The following EIF2AK2 variants were observed in gnomAD, a reference collection of about 807,000 sequenced individuals.
EIF2AK2 encodes eukaryotic translation initiation factor 2 alpha kinase 2, also known as interferon-induced, double-stranded RNA-activated protein kinase.
EIF2AK2 carries 40 observed loss-of-function variants against 70.5 expected under a neutral mutation model. That is an observed-to-expected ratio of 0.57 (90% CI 0.44 to 0.74). EIF2AK2 has a LOEUF of 0.74. Ranked by LOEUF, EIF2AK2 falls within the 30% of genes least tolerant of loss-of-function variation. The probability of loss-of-function intolerance (pLI) is 0.00; values close to 1 mark genes in which losing one functional copy is unlikely to be tolerated. For synonymous variants in EIF2AK2, 198 were observed against 220.9 expected (o/e 0.90, Z 0.92); for missense variants, 555 against 644.3 (o/e 0.86, Z 1.50).
At chr2:37,110,304 A>G (rs2148664571) in intron 14 of EIF2AK2, among the ~76,000 whole-genome samples, 1 of 151,342 alleles carries the variant, frequency 6.6e-6, no homozygotes, top group African/African-American at 2.4e-5. Flanking sequence ...CATCTTGGCC[A>G]GGCTGGTCTC....
At chr2:37,155,459 C>T (rs1675889231) in intron 1 of EIF2AK2, among the ~76,000 whole-genome samples, 1 of 152,192 alleles carries the variant, frequency 6.6e-6, no homozygotes, top group Non-Finnish European at 1.5e-5. Context: ...TGCATTCTCT[C>T]TGTACCCACC....
chr2:37,149,267 AAGG>A, intron 1 of EIF2AK2: 1 of 1,055,740 alleles, frequency 9.5e-7, no homozygotes, highest in Non-Finnish European at 1.5e-6. Context: ...ACTGAAATTG[AAGG>A]AGGAGAAATA....
intron 14 of EIF2AK2, among the ~76,000 whole-genome samples, chr2:37,111,879 ATAT>A (rs1220910097): frequency 0.11 from 4,599 of 40,846 alleles, 256 homozygotes; most frequent in Middle Eastern, 0.23. Flanking sequence ...AAAAAAAAAA[ATAT>A]ATATATATAT....
Position 37,124,886 on chromosome 2 carries a change from C to T in EIF2AK2, c.908+1403G>A, listed in dbSNP as rs567588063. 5.8e-4 allele frequency among the ~76,000 whole-genome samples: 88 copies of T among 152,076 alleles called. No individual in the cohort carries two copies. The South Asian group carries it at 0.012, about 21-fold the overall frequency. On this transcript the variant is annotated intron_variant, in intron 11 of 16. Transcript: ENST00000233057. Reference sequence around the variant, plus strand: ...GAGACTACAGGCGTGGCTACCACACCGGCCTAATTACTGTATTTTTTGTAG... The same window carrying T: ...GAGACTACAGGCGTGGCTACCACACTGGCCTAATTACTGTATTTTTTGTAG...
chr2:37,146,895 G>A lies in EIF2AK2; in HGVS notation c.198C>T (p.Ala66=), dbSNP rs180726204. The A allele has an allele frequency of 2.3e-5, 37 of 1,613,658 alleles. No individual in the cohort carries two copies. Among genetic ancestry groups the A allele is most frequent in the Admixed American group, 1.0e-4 (6 of 60,002 alleles). Residue 66 remains alanine, a synonymous_variant, in exon 4 of 17, where the codon GCC becomes GCT. Coordinates refer to ENST00000233057, the MANE Select transcript of EIF2AK2 (RefSeq NM_001135651.3). ...EGRSKKEAKN[A]AAKLAVEILN... ...GTATCTCAACAGCTAATTTGGCTGC[G>A]GCATTTTTTGCTTCCTTCTTTGATC...
At chr2:37,156,388 A>C (rs1204954547) in intron 1 of EIF2AK2, among the ~76,000 whole-genome samples, 1 of 152,022 alleles carries the variant, frequency 6.6e-6, no homozygotes, top group Non-Finnish European at 1.5e-5. Context: ...TGAGGTGTGG[A>C]GAAGAGGTAG....
intron 4 of EIF2AK2, among the ~76,000 whole-genome samples, chr2:37,143,663 T>A (rs1461952860): frequency 2.6e-5 from 4 of 151,928 alleles, no homozygotes; most frequent in Non-Finnish European, 5.9e-5. Context: ...GTGGGCAGAT[T>A]GCTTGAGTCC....
chr2:37,108,883 T>G (rs1674052745), intron 15 of EIF2AK2, among the ~76,000 whole-genome samples: 3 of 152,132 alleles, frequency 2.0e-5, no homozygotes, highest in Admixed American at 1.3e-4. Flanking sequence ...TTGTTTATTT[T>G]TGCAACCCTT....
At position 37,105,054 on chromosome 2, in the gene EIF2AK2, C is replaced by T. The variant is rs745414556; in HGVS notation, c.*2219G>A. On this transcript the variant is annotated 3_prime_UTR_variant, in exon 17 of 17. Coordinates refer to ENST00000233057, the MANE Select transcript of EIF2AK2 (RefSeq NM_001135651.3). ...AATAGTTTTAGCATCTATTGATGAACGTTACGTGAAAAATCTATGAACTGC... is the reference window on the plus strand; with the variant it reads ...AATAGTTTTAGCATCTATTGATGAATGTTACGTGAAAAATCTATGAACTGC... The T allele has an allele frequency of 1.3e-5, 2 of 152,186 alleles. No homozygotes were observed. Among genetic ancestry groups the T allele is most frequent in the Admixed American group, 6.5e-5 (1 of 15,282 alleles). The allele number at this position is 152,186 out of a possible 1,614,324, so 9.4% of individuals were successfully genotyped here.
chr2:37,109,624 T>C, intron 14 of EIF2AK2: 1 of 223,604 alleles, frequency 4.5e-6, no homozygotes, highest in Non-Finnish European at 8.9e-6. Flanking sequence ...GCATTGCAAC[T>C]GTTCATAGCG....
intron 12 of EIF2AK2, among the ~76,000 whole-genome samples, chr2:37,121,669 A>C (rs1385509787): frequency 2.0e-5 from 3 of 146,702 alleles, no homozygotes; most frequent in African/African-American, 7.8e-5. Flanking sequence ...TTCTGAATTA[A>C]GTTAGCCTCA....
intron 10 of EIF2AK2, 122 bp from the exon 11 acceptor site, chr2:37,126,533 C>A: frequency 7.2e-7 from 1 of 1,393,992 alleles, no homozygotes; most frequent in East Asian, 2.5e-5. Flanking sequence ...TTGATTCTCT[C>A]CTTCTGAATA....
chr2:37,146,618 T>C (rs1206894624), intron 4 of EIF2AK2, among the ~76,000 whole-genome samples: 1 of 152,234 alleles, frequency 6.6e-6, no homozygotes, highest in African/African-American at 2.4e-5. Context: ...TTTAGAGTAT[T>C]TAACTGCTGC....
chr2:37,126,988 A>AAAAAAAAAAAAAAC (rs1674758757), intron 10 of EIF2AK2, among the ~76,000 whole-genome samples: 1 of 135,658 alleles, frequency 7.4e-6, no homozygotes, highest in African/African-American at 2.7e-5. Context: ...AAAAAAAAAA[A>AAAAAAAAAAAAAAC]AAAAAAAAAA....
At chr2:37,147,917 A>G (rs531616952) in intron 2 of EIF2AK2, 95 bp from the exon 3 acceptor site, 2 of 741,176 alleles carry the variant, frequency 2.7e-6, no homozygotes, top group South Asian at 1.8e-5. Context: ...GGTTGGGGAG[A>G]CTCCCCTTTA....
intron 1 of EIF2AK2, among the ~76,000 whole-genome samples, chr2:37,155,784 T>TA (rs1025589809): frequency 2.0e-5 from 3 of 151,616 alleles, no homozygotes; most frequent in Non-Finnish European, 4.4e-5. Flanking sequence ...CTACTAAAAA[T>TA]AAAAAAATTA....
rs1169037541 is a variant in EIF2AK2 at position 37,105,182 on chromosome 2, C to T, written c.*2091G>A. ...TGGCCCTTTTTAAAAATCCTAAAAT[C>T]ATATGGCAGTTTTAGAATGGTAGCT... On this transcript the variant is annotated 3_prime_UTR_variant, in exon 17 of 17. Coordinates refer to ENST00000233057, the MANE Select transcript of EIF2AK2 (RefSeq NM_001135651.3). 2.0e-5 allele frequency: 3 copies of T among 152,200 alleles called. No homozygotes were observed. The highest frequency in any genetic ancestry group is 7.2e-5 in the African/African-American group (3 of 41,450). 9.4% of individuals were successfully genotyped at this position (152,200 alleles called of 1,614,324 possible). A position where few individuals can be genotyped will look rare whatever the true frequency, so the allele number is the denominator to read the frequency against.
In EIF2AK2 at chr2:37,114,864, G is replaced by GA. The variant is rs768511306; in HGVS notation, c.1249-6dup. 18,854 of 1,294,748 alleles carry GA rather than the reference G, an allele frequency of 0.015. No homozygotes were observed. Among genetic ancestry groups the GA allele is most frequent in the South Asian group, 0.024 (1,587 of 65,768 alleles). 80.2% of individuals were successfully genotyped at this position (1,294,748 alleles called of 1,614,324 possible). A position where few individuals can be genotyped will look rare whatever the true frequency, so the allele number is the denominator to read the frequency against. On this transcript the variant is annotated splice_polypyrimidine_tract_variant and splice_region_variant and intron_variant, in intron 13 of 16. Transcript: ENST00000233057. ...TACTAAGAATATATTACTTGGCTAT[G>GA]AAAAAAAAAAATTTAACTTACATGT... is the stretch of plus-strand genomic sequence containing the variant.
chr2:37,155,768 C>A (rs187489902), intron 1 of EIF2AK2, among the ~76,000 whole-genome samples: 1 of 152,158 alleles, frequency 6.6e-6, no homozygotes, highest in African/African-American at 2.4e-5. Flanking sequence ...CGGTGAAACC[C>A]TGTCTCTACT....
Sources: allele counts gnomAD v4.1 joint callset (sites outside exome capture counted in the v4.1 genomes callset), GRCh38; gene constraint gnomAD v4.1.1; transcripts MANE v1.5; gene names NCBI Gene and HGNC (gene_info 2026-07-23, HGNC 2026-07-21).